Variants in RALYL observed in about 807,000 individuals in gnomAD.
RALYL encodes the protein RALY RNA binding protein like.
In RALYL, 29 loss-of-function variants were observed where a neutral mutation model predicts 35.1. The ratio of observed to expected loss-of-function variants is 0.83; its 90% CI spans 0.61 to 1.13. The LOEUF (loss-of-function observed/expected upper bound fraction) is 1.13, where lower values mean the gene tolerates loss of function less well. RALYL is among the 50% of genes most tolerant of loss of function. The pLI, the probability that RALYL is intolerant of heterozygous loss-of-function variation, is 0.00. For synonymous variants in RALYL, 120 were observed against 127.6 expected (o/e 0.94, Z 0.40); for missense variants, 359 against 360.4 (o/e 1.00, Z 0.03).
intron 8 of RALYL, among the ~76,000 whole-genome samples, chr8:84,894,759 C>T (rs1844448644): frequency 6.6e-6 from 1 of 152,176 alleles, no homozygotes; most frequent in Non-Finnish European, 1.5e-5. Context: ...ATAAGTGTCC[C>T]CTCTTATTTC....
At chr8:84,804,308 A>G (rs112029437) in intron 3 of RALYL, among the ~76,000 whole-genome samples, 2 of 152,292 alleles carry the variant, frequency 1.3e-5, no homozygotes, top group South Asian at 4.1e-4. Flanking sequence ...AAGGGGTGTT[A>G]AGACCAATAA....
chr8:84,448,988 TC>T (rs2049145352), intron 1 of RALYL, among the ~76,000 whole-genome samples: 1 of 151,942 alleles, frequency 6.6e-6, no homozygotes, highest in Admixed American at 6.6e-5. Context: ...TATGCGAATA[TC>T]CAGCAAGCAT....
intron 2 of RALYL, among the ~76,000 whole-genome samples, chr8:84,680,933 T>C (rs1488734719): frequency 6.6e-6 from 1 of 152,022 alleles, no homozygotes; most frequent in Non-Finnish European, 1.5e-5. Context: ...CCCATTCCTA[T>C]GTCCTGAATG....
chr8:84,420,777 T>C, intron 1 of RALYL, among the ~76,000 whole-genome samples: 1 of 113,242 alleles, frequency 8.8e-6, no homozygotes, highest in African/African-American at 4.0e-5. Flanking sequence ...CTAGCCAGTT[T>C]TCCCAGCACC....
intron 7 of RALYL, among the ~76,000 whole-genome samples, chr8:84,877,144 A>C (rs1254056338): frequency 6.6e-6 from 1 of 152,176 alleles, no homozygotes; most frequent in African/African-American, 2.4e-5. Context: ...ATGTTCTCTG[A>C]AAAGAAACTT....
chr8:84,645,465 CCTAT>C (rs924180646), intron 2 of RALYL, among the ~76,000 whole-genome samples: 1 of 151,856 alleles, frequency 6.6e-6, no homozygotes, highest in Non-Finnish European at 1.5e-5. Context: ...TCTTTCAAAT[CCTAT>C]CTAAGACATG....
intron 3 of RALYL, among the ~76,000 whole-genome samples, chr8:84,796,391 T>A (rs1276943362): frequency 6.6e-6 from 1 of 152,248 alleles, no homozygotes; most frequent in East Asian, 1.9e-4. Context: ...CTTTGGTAGA[T>A]CTCAGAATTC....
chr8:84,709,747 A>T (rs971063862), intron 2 of RALYL, among the ~76,000 whole-genome samples: 1 of 152,090 alleles, frequency 6.6e-6, no homozygotes, highest in African/African-American at 2.4e-5. Context: ...GGTACCACCT[A>T]TATTCTACCC....
intron 2 of RALYL, among the ~76,000 whole-genome samples, chr8:84,742,325 GGTTAAATTT>G (rs1807567193): frequency 6.6e-6 from 1 of 151,678 alleles, no homozygotes; most frequent in South Asian, 2.1e-4. Context: ...TCAAAACTAT[GGTTAAATTT>G]GTTTTTACCT....
intron 1 of RALYL, among the ~76,000 whole-genome samples, chr8:84,339,168 A>G (rs956105083): frequency 1.3e-5 from 2 of 152,022 alleles, no homozygotes; most frequent in South Asian, 2.1e-4. Context: ...AGTTTTTTGC[A>G]TAAATTGGAA....
At chr8:84,360,007 G>C (rs758036615) in intron 1 of RALYL, among the ~76,000 whole-genome samples, 1 of 151,648 alleles carries the variant, frequency 6.6e-6, no homozygotes, top group Non-Finnish European at 1.5e-5. Flanking sequence ...CAAGTAGCTA[G>C]AACTACAGGC....
intron 7 of RALYL, among the ~76,000 whole-genome samples, chr8:84,874,174 C>T (rs933550695): frequency 1.3e-5 from 2 of 152,106 alleles, no homozygotes; most frequent in Non-Finnish European, 2.9e-5. Context: ...TATGCCTCTT[C>T]GAATCCCAGC....
intron 4 of RALYL, among the ~76,000 whole-genome samples, chr8:84,841,837 T>A (rs2134604425): frequency 6.6e-6 from 1 of 152,280 alleles, no homozygotes; most frequent in African/African-American, 2.4e-5. Flanking sequence ...CTCAACTACA[T>A]GGAAACTGAA....
chr8:84,536,367 A>C (rs1319574546), intron 2 of RALYL, among the ~76,000 whole-genome samples: 1 of 152,228 alleles, frequency 6.6e-6, no homozygotes, highest in Non-Finnish European at 1.5e-5. Context: ...CAAATACAGA[A>C]TTGTAGTATC....
chr8:84,701,836 T>A (rs938536168), intron 2 of RALYL, among the ~76,000 whole-genome samples: 1 of 152,198 alleles, frequency 6.6e-6, no homozygotes, highest in Non-Finnish European at 1.5e-5. Flanking sequence ...CTAGTTGTTG[T>A]GGAAACATGT....
intron 1 of RALYL, among the ~76,000 whole-genome samples, chr8:84,394,696 A>T (rs1442145621): frequency 6.6e-6 from 1 of 151,968 alleles, no homozygotes; most frequent in Non-Finnish European, 1.5e-5. Context: ...TGATAAACCC[A>T]TGATTGTTTT....
intron 1 of RALYL, among the ~76,000 whole-genome samples, chr8:84,310,482 G>T (rs140990431): frequency 8.6e-5 from 13 of 151,768 alleles, no homozygotes; most frequent in Non-Finnish European, 1.9e-4. Context: ...ATGGAAAACG[G>T]CAATAAATCC....
At chr8:84,385,327 G>T (rs995203322) in intron 1 of RALYL, among the ~76,000 whole-genome samples, 1 of 151,706 alleles carries the variant, frequency 6.6e-6, no homozygotes, top group Non-Finnish European at 1.5e-5. Context: ...TAGTTTTAGA[G>T]CAACCCAAAT....
At chr8:84,457,351 CT>C (rs2050250760) in intron 1 of RALYL, among the ~76,000 whole-genome samples, 1 of 151,896 alleles carries the variant, frequency 6.6e-6, no homozygotes, top group Admixed American at 6.6e-5. Context: ...TTTTTAAATA[CT>C]TTTTGATGGC....
Sources: gnomAD v4.1 joint callset for allele counts (sites outside exome capture counted in the v4.1 genomes callset) on GRCh38, gnomAD v4.1.1 for gene constraint, MANE v1.5 for transcripts, NCBI Gene and HGNC (gene_info 2026-07-23, HGNC 2026-07-21) for gene names.